CTNS: variants seen among roughly 807,000 people sequenced by gnomAD.
CTNS encodes cystinosin, lysosomal cystine transporter.
A neutral mutation model predicts 43.7 loss-of-function variants in CTNS; 27 were observed. That is an observed-to-expected ratio of 0.62 (90% CI 0.46 to 0.85). The LOEUF is 0.85. Among genes scored for constraint, CTNS ranks in the 40% least tolerant of loss-of-function variants. CTNS has a pLI of 0.00. For missense variants in CTNS, 457 were observed against 475.4 expected (o/e 0.96, Z 0.36); for synonymous variants, 187 against 190.6 (o/e 0.98, Z 0.16).
chr17:3,662,388 C>G lies in CTNS; in HGVS notation c.*2019C>G, dbSNP rs2076289881. On this transcript the variant is annotated 3_prime_UTR_variant, in exon 12 of 12. Coordinates refer to ENST00000046640, the MANE Select transcript of CTNS (RefSeq NM_004937.3). The stretch of plus-strand genomic sequence containing the variant: ...TAGGTAGGTCCAGGAGTGCTAACAC[C>G]TTCCCAGAGGTGGTACGCAGGTAGT... Among the ~76,000 whole-genome samples the G allele has an allele frequency of 6.6e-6, 1 of 152,118 alleles. No individual in the cohort carries two copies. The highest frequency in any genetic ancestry group is 6.5e-5 in the Admixed American group (1 of 15,278).
chr17:3,660,739 G>A lies in CTNS; in HGVS notation c.*370G>A, dbSNP rs774541509. ...GCAAGCAGCTTGAAGGGCTGACCTT[G>A]CAGCCGGGTGAGCCAAGGGCACTTT... On this transcript the variant is annotated 3_prime_UTR_variant, in exon 12 of 12. Coordinates refer to ENST00000046640, the MANE Select transcript of CTNS (RefSeq NM_004937.3). 3.7e-6 allele frequency: 6 copies of A among 1,613,360 alleles called. No homozygotes were observed. The East Asian group carries it at 1.1e-4, about 30-fold the overall frequency.
At position 3,661,416 on chromosome 17, in the gene CTNS, G is replaced by C. The variant is rs990141487; in HGVS notation, c.*1047G>C. The C allele has an allele frequency of 6.8e-6, 1 of 146,700 alleles. No homozygotes were observed. Among genetic ancestry groups the C allele is most frequent in the Non-Finnish European group, 1.5e-5 (1 of 65,666 alleles). The allele number at this position is 146,700 out of a possible 1,614,324, so 9.1% of individuals were successfully genotyped here. On this transcript the variant is annotated 3_prime_UTR_variant, in exon 12 of 12. Coordinates refer to ENST00000046640, the MANE Select transcript of CTNS (RefSeq NM_004937.3). Reference sequence around the variant, plus strand: ...CCCAAAGCTGTCCTTCCTATGGCAGGAGGGGTGGGGGTCCCAGGACGTGCC... The same window carrying C: ...CCCAAAGCTGTCCTTCCTATGGCAGCAGGGGTGGGGGTCCCAGGACGTGCC...
chr17:3,640,324 G>A, intron 3 of CTNS, 57 bp downstream of exon 3: 1 of 1,507,222 alleles, frequency 6.6e-7, no homozygotes, highest in Non-Finnish European at 9.2e-7. Flanking sequence ...GCTAGAGGAA[G>A]GAGTAATCTG....
chr17:3,644,280 G>C (rs2075794666), intron 3 of CTNS, among the ~76,000 whole-genome samples: 1 of 152,142 alleles, frequency 6.6e-6, no homozygotes, highest in African/African-American at 2.4e-5. Flanking sequence ...GGCTCAGAGA[G>C]GGTAAGTACC....
Sources: gnomAD v4.1 joint callset for allele counts (sites outside exome capture counted in the v4.1 genomes callset) on GRCh38, gnomAD v4.1.1 for gene constraint, MANE v1.5 for transcripts, NCBI Gene and HGNC (gene_info 2026-07-23, HGNC 2026-07-21) for gene names.